The following ST18 variants were observed in gnomAD, a reference collection of about 807,000 sequenced individuals.
The protein encoded by ST18 is suppression of tumorigenicity 18 protein.
A neutral mutation model predicts 110.0 loss-of-function variants in ST18; 50 were observed. The ratio of observed to expected loss-of-function variants is 0.45; its 90% CI spans 0.36 to 0.58. ST18 has a LOEUF of 0.58. Ranked by LOEUF, ST18 falls within the 20% of genes least tolerant of loss-of-function variation. The pLI is 0.00. For synonymous variants in ST18, 461 were observed against 452.4 expected, an observed-to-expected ratio of 1.02 and a Z score of -0.24; for missense variants, 1,306 against 1,280.1, an observed-to-expected ratio of 1.02 and a Z score of -0.31.
intron 10 of ST18, among the ~76,000 whole-genome samples, chr8:52,171,330 A>AAG (rs1355753470): frequency 2.0e-5 from 3 of 152,216 alleles, no homozygotes. Flanking sequence ...AAGCCAGTGA[A>AAG]AGCGTAGGCT....
intron 2 of ST18, among the ~76,000 whole-genome samples, chr8:52,383,870 C>T (rs1835539026): frequency 6.6e-6 from 1 of 152,194 alleles, no homozygotes; most frequent in Admixed American, 6.5e-5. Flanking sequence ...GCCTCAGCCT[C>T]CTGAGTAGCT....
chr8:52,136,461 G>T, intron 19 of ST18, 129 bp downstream of exon 19: 3 of 844,110 alleles, frequency 3.6e-6, no homozygotes, highest in Non-Finnish European at 5.6e-6. Flanking sequence ...GTCAGAAAGT[G>T]CCTTTGCTGT....
At chr8:52,248,402 G>A (rs939528549) in intron 2 of ST18, 3 of 152,074 alleles carry the variant, frequency 2.0e-5, no homozygotes, top group Admixed American at 6.6e-5. Flanking sequence ...AAATGTTTTC[G>A]ATGAGACCTT....
chr8:52,183,651 A>C (rs986112167), intron 8 of ST18, among the ~76,000 whole-genome samples: 1 of 152,218 alleles, frequency 6.6e-6, no homozygotes, highest in Non-Finnish European at 1.5e-5. Flanking sequence ...TAAAAGAGAT[A>C]ACATCTGTGC....
At chr8:52,407,304 G>GA (rs573164036) in intron 2 of ST18, 105 of 152,154 alleles carry the variant, frequency 6.9e-4, no homozygotes, top group African/African-American at 2.4e-3. Context: ...ATTCTGAGAA[G>GA]AAAAAAATTA....
At chr8:52,241,886 T>G (rs2093438718) in intron 2 of ST18, among the ~76,000 whole-genome samples, 2 of 152,192 alleles carry the variant, frequency 1.3e-5, no homozygotes, top group African/African-American at 4.8e-5. Context: ...TCCTTTTTTT[T>G]TTCCATTAGA....
chr8:52,266,948 G>A (rs2138784417), intron 2 of ST18, among the ~76,000 whole-genome samples: 1 of 152,266 alleles, frequency 6.6e-6, no homozygotes, highest in Non-Finnish European at 1.5e-5. Flanking sequence ...AGAGCTGAGG[G>A]ATCTCTGGAG....
At position 52,126,245 on chromosome 8, in the gene ST18, A is replaced by G. The variant is rs1007120148; in HGVS notation, c.2667-105T>C. ...CTATTTGTGTTTTTGCTGCCGATTA[A>G]TTACATTATAACCCACAGTCTCTTT... On this transcript the variant is annotated intron_variant, in intron 22 of 25. Transcript: ENST00000689386. The G allele has an allele frequency of 5.5e-6, 6 of 1,085,022 alleles. No individual in the cohort carries two copies. In the African/African-American group the frequency reaches 9.5e-5, roughly 17 times the overall value. 67.2% of individuals were successfully genotyped at this position (1,085,022 alleles called of 1,614,324 possible).
intron 2 of ST18, among the ~76,000 whole-genome samples, chr8:52,262,070 T>C (rs1454454452): frequency 2.6e-5 from 4 of 152,212 alleles, no homozygotes; most frequent in African/African-American, 9.7e-5. Context: ...CAGCATATGT[T>C]GAGGGCCTTC....
chr8:52,196,061 T>C (rs2076095351), intron 8 of ST18, among the ~76,000 whole-genome samples: 1 of 152,220 alleles, frequency 6.6e-6, no homozygotes. Flanking sequence ...GCAGAAATTT[T>C]ATTAGCAGAA....
chr8:52,155,201 C>CAA (rs3030253), intron 15 of ST18, among the ~76,000 whole-genome samples: 64 of 133,268 alleles, frequency 4.8e-4, no homozygotes, highest in South Asian at 7.2e-4. Flanking sequence ...GACTCTGTCT[C>CAA]AAAAAAAAAA....
intron 15 of ST18, chr8:52,154,879 G>GAAAA (rs532100359): frequency 9.5e-6 from 1 of 104,954 alleles, no homozygotes; most frequent in Non-Finnish European, 2.0e-5. Context: ...GATCCTCTCA[G>GAAAA]AAAAAAAAAA....
At chr8:52,271,903 T>G (rs2095088477) in intron 2 of ST18, among the ~76,000 whole-genome samples, 1 of 152,216 alleles carries the variant, frequency 6.6e-6, no homozygotes, top group Admixed American at 6.5e-5. Flanking sequence ...GTTTATATAT[T>G]TCGCCATCAA....
chr8:52,147,033 T>C (rs2057495187), intron 16 of ST18, among the ~76,000 whole-genome samples: 2 of 152,220 alleles, frequency 1.3e-5, no homozygotes, highest in South Asian at 4.1e-4. Flanking sequence ...CTGATACTCT[T>C]AGTGACACTG....
intron 2 of ST18, among the ~76,000 whole-genome samples, chr8:52,277,247 C>T (rs914996309): frequency 1.1e-4 from 16 of 152,086 alleles, no homozygotes; most frequent in African/African-American, 3.9e-4. Flanking sequence ...CACATCCACT[C>T]CTGCTCATCT....
intron 15 of ST18, among the ~76,000 whole-genome samples, chr8:52,156,778 C>T (rs1430788249): frequency 6.6e-6 from 1 of 152,108 alleles, no homozygotes; most frequent in African/African-American, 2.4e-5. Context: ...CATGCACTGG[C>T]AGAAGGATTC....
intron 2 of ST18, among the ~76,000 whole-genome samples, chr8:52,349,266 T>C (rs1239198824): frequency 6.6e-6 from 1 of 152,208 alleles, no homozygotes; most frequent in African/African-American, 2.4e-5. Context: ...CTGAAGGCTT[T>C]GTGGGGTAAA....
intron 15 of ST18, among the ~76,000 whole-genome samples, chr8:52,155,860 C>G (rs1160838438): frequency 6.6e-6 from 1 of 152,066 alleles, no homozygotes; most frequent in Admixed American, 6.5e-5. Context: ...AATATATGGG[C>G]ATGAAGGCAA....
intron 2 of ST18, chr8:52,403,366 T>C (rs1417332185): frequency 6.6e-6 from 1 of 152,266 alleles, no homozygotes; most frequent in African/African-American, 2.4e-5. Context: ...GTGGGCTCCT[T>C]CTTTGGAGCA....
Sources: allele counts gnomAD v4.1 joint callset (sites outside exome capture counted in the v4.1 genomes callset), GRCh38; gene constraint gnomAD v4.1.1; transcripts MANE v1.5; gene names NCBI Gene and HGNC (gene_info 2026-07-23, HGNC 2026-07-21).